The following FSTL5 variants were observed in gnomAD, a reference collection of about 807,000 sequenced individuals.
The protein encoded by FSTL5 is follistatin-related protein 5.
FSTL5 carries 62 observed loss-of-function variants against 89.1 expected under a neutral mutation model. The observed-to-expected ratio is 0.70, with a 90% CI of 0.57 to 0.86. The LOEUF (loss-of-function observed/expected upper bound fraction) is 0.86. FSTL5 is among the 40% of genes least tolerant of loss of function. FSTL5 has a pLI of 0.00. For missense variants in FSTL5, 1,057 were observed against 1,001.6 expected, an observed-to-expected ratio of 1.06 and a Z score of -0.75; for synonymous variants, 383 against 346.2, an observed-to-expected ratio of 1.11 and a Z score of -1.18.
intron 3 of FSTL5, among the ~76,000 whole-genome samples, chr4:161,946,979 T>C (rs1378444999): frequency 2.0e-5 from 3 of 152,206 alleles, no homozygotes; most frequent in Non-Finnish European, 4.4e-5. Flanking sequence ...AAAAATTATA[T>C]TGAATACCTT....
At chr4:162,060,263 T>G (rs985507357) in intron 2 of FSTL5, among the ~76,000 whole-genome samples, 2 of 152,078 alleles carry the variant, frequency 1.3e-5, no homozygotes, top group African/African-American at 4.8e-5. Context: ...ATTTTAGAAA[T>G]AATAGCAGTC....
intron 6 of FSTL5, among the ~76,000 whole-genome samples, chr4:161,703,981 CTACATAT>C (rs1738487646): frequency 6.6e-6 from 1 of 152,090 alleles, no homozygotes. Flanking sequence ...AGACCCCACT[CTACATAT>C]TACTTATTAA....
intron 3 of FSTL5, among the ~76,000 whole-genome samples, chr4:161,992,948 ATAT>A (rs1736176954): frequency 2.0e-3 from 12 of 6,110 alleles, no homozygotes; most frequent in South Asian, 0.03. Context: ...ATATGTGTGT[ATAT>A]CTATATATAT....
At chr4:161,392,236 T>TA (rs1280923647) in intron 15 of FSTL5, among the ~76,000 whole-genome samples, 1 of 151,050 alleles carries the variant, frequency 6.6e-6, no homozygotes, top group Non-Finnish European at 1.5e-5. Context: ...TTTAATTAAT[T>TA]TTTTTTTTTG....
intron 12 of FSTL5, chr4:161,495,355 A>C (rs1420429134): frequency 6.6e-6 from 1 of 152,164 alleles, no homozygotes; most frequent in Non-Finnish European, 1.5e-5. Flanking sequence ...CTTGTTTTTG[A>C]GCCTGTAATT....
chr4:161,986,627 C>A (rs1389651220), intron 3 of FSTL5, among the ~76,000 whole-genome samples: 1 of 152,126 alleles, frequency 6.6e-6, no homozygotes, highest in African/African-American at 2.4e-5. Context: ...GTAATTAGTT[C>A]AAATATATGC....
chr4:161,406,707 C>T (rs760907865), intron 15 of FSTL5, among the ~76,000 whole-genome samples: 8 of 152,090 alleles, frequency 5.3e-5, no homozygotes, highest in Non-Finnish European at 2.9e-5. Flanking sequence ...ACAGTTTTGA[C>T]GTAAAATGTG....
intron 5 of FSTL5, among the ~76,000 whole-genome samples, chr4:161,769,148 T>C (rs1172759439): frequency 6.6e-6 from 1 of 151,774 alleles, no homozygotes; most frequent in Non-Finnish European, 1.5e-5. Context: ...CAGGAAGAAA[T>C]CCAATATCTG....
chr4:161,690,861 T>C (rs948027600), intron 6 of FSTL5, among the ~76,000 whole-genome samples: 18 of 152,108 alleles, frequency 1.2e-4, no homozygotes, highest in Non-Finnish European at 2.6e-4. Context: ...TTTCCATGTG[T>C]TCTAATTATT....
At chr4:161,480,185 C>T (rs1262857493) in intron 13 of FSTL5, among the ~76,000 whole-genome samples, 3 of 152,204 alleles carry the variant, frequency 2.0e-5, no homozygotes, top group African/African-American at 4.8e-5. Context: ...AGCACTTCCA[C>T]ATGCCAGGGT....
At chr4:161,405,374 C>T (rs1731339129) in intron 15 of FSTL5, among the ~76,000 whole-genome samples, 1 of 151,466 alleles carries the variant, frequency 6.6e-6, no homozygotes, top group Non-Finnish European at 1.5e-5. Flanking sequence ...ATTATAAATA[C>T]AAAAATGAGT....
chr4:161,976,606 C>G (rs1323797316), intron 3 of FSTL5, among the ~76,000 whole-genome samples: 1 of 152,094 alleles, frequency 6.6e-6, no homozygotes, highest in African/African-American at 2.4e-5. Context: ...CTCAGCCTCT[C>G]GAGTAGCTGG....
intron 10 of FSTL5, among the ~76,000 whole-genome samples, chr4:161,513,105 C>G (rs1730701537): frequency 6.6e-6 from 1 of 152,002 alleles, no homozygotes; most frequent in South Asian, 2.1e-4. Flanking sequence ...AATCTTCAAG[C>G]CCATAAAATT....
chr4:161,956,503 A>G (rs1259050454), intron 3 of FSTL5, among the ~76,000 whole-genome samples: 1 of 151,946 alleles, frequency 6.6e-6, no homozygotes, highest in Admixed American at 6.6e-5. Context: ...TACTTCAAAA[A>G]TTGCAGAAAC....
At chr4:161,921,108 T>TA (rs771725531) in intron 3 of FSTL5, among the ~76,000 whole-genome samples, 3 of 152,148 alleles carry the variant, frequency 2.0e-5, no homozygotes, top group Non-Finnish European at 2.9e-5. Context: ...TGGCACATGA[T>TA]AGATGTTCCA....
At chr4:162,155,105 C>G (rs766917638) in intron 1 of FSTL5, among the ~76,000 whole-genome samples, 2 of 152,176 alleles carry the variant, frequency 1.3e-5, no homozygotes, top group African/African-American at 2.4e-5. Context: ...CTATAACTTG[C>G]TTTTGACCAA....
chr4:161,959,785 T>C (rs1490577574), intron 3 of FSTL5, among the ~76,000 whole-genome samples: 1 of 152,134 alleles, frequency 6.6e-6, no homozygotes, highest in East Asian at 1.9e-4. Flanking sequence ...CTGAGAAAGC[T>C]AATTCAGAGG....
intron 15 of FSTL5, among the ~76,000 whole-genome samples, chr4:161,433,920 AAGAT>A (rs1189546034): frequency 6.6e-6 from 1 of 152,150 alleles, no homozygotes; most frequent in Non-Finnish European, 1.5e-5. Context: ...AAAAAATAAA[AAGAT>A]AGTCCATGTT....
intron 15 of FSTL5, among the ~76,000 whole-genome samples, chr4:161,444,400 A>G (rs965500172): frequency 5.9e-5 from 9 of 151,776 alleles, no homozygotes; most frequent in Admixed American, 6.6e-5. Flanking sequence ...GATCTAAGAG[A>G]TATTAAATAC....
Sources: allele counts gnomAD v4.1 joint callset (sites outside exome capture counted in the v4.1 genomes callset), GRCh38; gene constraint gnomAD v4.1.1; transcripts MANE v1.5; gene names NCBI Gene and HGNC (gene_info 2026-07-23, HGNC 2026-07-21).